KDM4C: variants seen among roughly 807,000 people sequenced by gnomAD.
The protein encoded by KDM4C is lysine demethylase 4C, also known as lysine-specific demethylase 4C.
Under a neutral mutation model 129.3 loss-of-function variants are expected in KDM4C, and 81 were observed. That is an observed-to-expected ratio of 0.63 (90% confidence interval 0.52 to 0.75). The LOEUF (loss-of-function observed/expected upper bound fraction) is 0.75. Among genes scored for constraint, KDM4C ranks in the 30% least tolerant of loss-of-function variants. KDM4C has a pLI of 0.00. For missense variants in KDM4C, 1,457 were observed against 1,304.0 expected (o/e 1.12, Z -1.81); for synonymous variants, 573 against 456.1 (o/e 1.26, Z -3.26).
At chr9:6,835,007 C>G (rs1835616500) in intron 4 of KDM4C, 1 of 951,754 alleles carries the variant, frequency 1.1e-6, no homozygotes, top group African/African-American at 1.6e-5. Flanking sequence ...TGGCCGGGAC[C>G]TGACTACCTC....
chr9:6,728,264 G>A (rs1817208125), intron 1 of KDM4C, among the ~76,000 whole-genome samples: 1 of 152,038 alleles, frequency 6.6e-6, no homozygotes, highest in Admixed American at 6.6e-5. Flanking sequence ...GGCCGGATGT[G>A]GTGGCTCACG....
At chr9:6,721,238 T>C (rs946425867) in intron 1 of KDM4C, 26,553 of 105,468 alleles carry the variant, frequency 0.25, 2,726 homozygotes, top group East Asian at 0.38. Flanking sequence ...TATGCCTGGC[T>C]TTTTTTTTTT....
At chr9:6,738,747 TTTTTC>T (rs915929057) in intron 1 of KDM4C, among the ~76,000 whole-genome samples, 39 of 151,736 alleles carry the variant, frequency 2.6e-4, no homozygotes, top group African/African-American at 7.0e-4. Context: ...GCCCAACTAA[TTTTTC>T]TTTTCTTTTC....
upstream of KDM4C, among the ~76,000 whole-genome samples, chr9:6,756,627 G>GA (rs1407607331): frequency 6.6e-6 from 1 of 152,228 alleles, no homozygotes; most frequent in African/African-American, 2.4e-5. Flanking sequence ...TGAGGCAGGA[G>GA]AATCTCTCGA....
intron 11 of KDM4C, among the ~76,000 whole-genome samples, chr9:6,987,763 A>G (rs1817981482): frequency 6.6e-6 from 1 of 152,142 alleles, no homozygotes; most frequent in African/African-American, 2.4e-5. Flanking sequence ...TGAATTATAA[A>G]CACATCAAAA....
At chr9:6,856,703 G>A (rs1839913177) in intron 5 of KDM4C, among the ~76,000 whole-genome samples, 1 of 151,352 alleles carries the variant, frequency 6.6e-6, no homozygotes, top group Non-Finnish European at 1.5e-5. Context: ...CTCCCAGGTA[G>A]CTGGGACTAC....
intron 1 of KDM4C, among the ~76,000 whole-genome samples, chr9:6,759,998 C>A (rs910552823): frequency 1.5e-5 from 2 of 134,988 alleles, no homozygotes; most frequent in East Asian, 4.1e-4. Context: ...TAAATAAAAG[C>A]TTTTAGTAAA....
Position 6,893,199 on chromosome 9 carries a change from C to G in KDM4C, c.888C>G (p.Val296=), listed in dbSNP as rs1435569412. The change falls in exon 8 of 22, where the codon GTC becomes GTG. Residue 296 remains valine, a synonymous_variant. Coordinates refer to ENST00000381309, the MANE Select transcript of KDM4C (RefSeq NM_015061.6). ...NCAESTNFAT[V]RWIDYGKVAK... ...CAGAATCTACAAATTTTGCTACTGT[C>G]AGATGGATTGACTATGGAAAAGTTG... 1 of 1,610,516 alleles carries G rather than the reference C, an allele frequency of 6.2e-7. No individual in the cohort carries two copies. The highest frequency in any genetic ancestry group is 8.5e-7 in the Non-Finnish European group (1 of 1,178,386).
At chr9:6,894,906 A>G (rs1846615545) in intron 8 of KDM4C, among the ~76,000 whole-genome samples, 1 of 152,186 alleles carries the variant, frequency 6.6e-6, no homozygotes, top group Admixed American at 6.5e-5. Context: ...TAAATTAGAA[A>G]TACCTCTCTA....
chr9:6,812,754 C>T (rs1831396344), intron 3 of KDM4C, among the ~76,000 whole-genome samples: 1 of 152,186 alleles, frequency 6.6e-6, no homozygotes, highest in Non-Finnish European at 1.5e-5. Flanking sequence ...GTCTCTGTCA[C>T]CTGACTCTGA....
chr9:6,986,106 T>C (rs900368885), intron 10 of KDM4C, among the ~76,000 whole-genome samples: 3 of 152,238 alleles, frequency 2.0e-5, no homozygotes, highest in Admixed American at 6.5e-5. Flanking sequence ...TCTTTGCACA[T>C]TGATCTCCAG....
At chr9:7,050,456 G>C (rs115369604) in intron 17 of KDM4C, among the ~76,000 whole-genome samples, 1 of 53,732 alleles carries the variant, frequency 1.9e-5, no homozygotes, top group African/African-American at 5.9e-5. Context: ...AAAAAAAAAA[G>C]ACACCAAAAA....
In KDM4C at chr9:7,013,302, G is replaced by C. The variant is rs548523856; in HGVS notation, c.1969-486G>C. Among the ~76,000 whole-genome samples, 29 of 152,188 alleles carry C rather than the reference G, an allele frequency of 1.9e-4. No homozygotes were observed. In the South Asian group the frequency reaches 3.5e-3, roughly 19 times the overall value. On this transcript the variant is annotated intron_variant, in intron 13 of 21. Coordinates refer to ENST00000381309, the MANE Select transcript of KDM4C (RefSeq NM_015061.6). The stretch of plus-strand genomic sequence containing the variant: ...TTGATACATTATCCTTTCTTATTTA[G>C]TGACATGTGCCAGTTCTCTCTCACT...
intron 1 of KDM4C, among the ~76,000 whole-genome samples, chr9:6,742,977 C>G (rs961776123): frequency 4.6e-5 from 7 of 152,014 alleles, no homozygotes; most frequent in Non-Finnish European, 5.9e-5. Context: ...TGCCATTGCA[C>G]TCCAGCCTGG....
intron 5 of KDM4C, among the ~76,000 whole-genome samples, chr9:6,862,571 G>A (rs766793986): frequency 1.3e-5 from 2 of 152,132 alleles, no homozygotes; most frequent in African/African-American, 4.8e-5. Context: ...AGGAGGTTGA[G>A]GTTGGTGGAT....
At chr9:7,092,896 G>A (rs1026009534) in intron 17 of KDM4C, among the ~76,000 whole-genome samples, 1 of 152,142 alleles carries the variant, frequency 6.6e-6, no homozygotes, top group Non-Finnish European at 1.5e-5. Context: ...ATATTGAGAA[G>A]ATTCCATTAA....
intron 4 of KDM4C, among the ~76,000 whole-genome samples, chr9:6,825,965 C>A (rs62568870): frequency 0.13 from 20,452 of 151,996 alleles, 1,803 homozygotes; most frequent in African/African-American, 0.24. Context: ...TGTGCGCCAC[C>A]ATGCCCAGCT....
intron 2 of KDM4C, among the ~76,000 whole-genome samples, chr9:6,802,037 G>T (rs1161387678): frequency 1.3e-5 from 2 of 151,872 alleles, no homozygotes; most frequent in Admixed American, 1.3e-4. Context: ...CCCAGGAGGT[G>T]GAGGTTCCAG....
chr9:6,812,127 C>G lies in KDM4C; in HGVS notation c.321-2504C>G, dbSNP rs561306714. ...CTGCACATGCCTGTAATTCCAGCTA[C>G]TCGGGAGGCTGAGGCAGGAGAATCC... On this transcript the variant is annotated intron_variant, in intron 3 of 21. Transcript: ENST00000381309. Among the ~76,000 whole-genome samples the G allele has an allele frequency of 1.2e-4, 19 of 152,042 alleles. No individual in the cohort carries two copies. The South Asian group carries it at 3.5e-3, about 28-fold the overall frequency.
Sources: gnomAD v4.1 joint callset for allele counts (sites outside exome capture counted in the v4.1 genomes callset) on GRCh38, gnomAD v4.1.1 for gene constraint, MANE v1.5 for transcripts, NCBI Gene and HGNC (gene_info 2026-07-23, HGNC 2026-07-21) for gene names.